ROBO2: variants seen among roughly 807,000 people sequenced by gnomAD.
The protein encoded by ROBO2 is roundabout guidance receptor 2.
A neutral mutation model predicts 160.8 loss-of-function variants in ROBO2; 53 were observed. The ratio of observed to expected loss-of-function variants is 0.33; its 90% CI spans 0.26 to 0.41. The LOEUF is 0.41. ROBO2 is among the 10% of genes least tolerant of loss of function. The probability of loss-of-function intolerance (pLI) is 1.00; values close to 1 mark genes in which losing one functional copy is unlikely to be tolerated. For missense variants in ROBO2, 1,577 were observed against 1,722.4 expected (o/e 0.92, Z 1.49); for synonymous variants, 664 against 611.7 (o/e 1.09, Z -1.26).
intron 2 of ROBO2, among the ~76,000 whole-genome samples, chr3:76,325,949 G>A (rs2072981073): frequency 6.6e-6 from 1 of 152,098 alleles, no homozygotes; most frequent in Admixed American, 6.6e-5. Flanking sequence ...TAACAGTATT[G>A]TAGAAAATAC....
At chr3:76,143,022 G>A (rs2071741612) in intron 2 of ROBO2, among the ~76,000 whole-genome samples, 1 of 151,542 alleles carries the variant, frequency 6.6e-6, no homozygotes, top group Admixed American at 6.6e-5. Context: ...CTGGATGGGA[G>A]TTTATGTATG....
intron 2 of ROBO2, among the ~76,000 whole-genome samples, chr3:77,305,929 C>T (rs1560494442): frequency 6.6e-6 from 1 of 152,024 alleles, no homozygotes; most frequent in East Asian, 1.9e-4. Context: ...CTTTTGAAGA[C>T]TTTCTGTAAT....
intron 2 of ROBO2, among the ~76,000 whole-genome samples, chr3:76,041,926 G>A (rs768291201): frequency 2.0e-5 from 3 of 151,182 alleles, no homozygotes; most frequent in Non-Finnish European, 4.4e-5. Flanking sequence ...CTTGATCATC[G>A]GAAATCTCAG....
intron 2 of ROBO2, among the ~76,000 whole-genome samples, chr3:77,137,419 T>C (rs1056324767): frequency 1.3e-5 from 2 of 151,936 alleles, no homozygotes; most frequent in African/African-American, 2.4e-5. Context: ...AGAGACGGGG[T>C]GTCTCCGTGT....
At chr3:76,848,267 A>AGCCTTGGC (rs2068968839) in intron 2 of ROBO2, among the ~76,000 whole-genome samples, 1 of 152,188 alleles carries the variant, frequency 6.6e-6, no homozygotes, top group African/African-American at 2.4e-5. Flanking sequence ...GATGTCTCAT[A>AGCCTTGGC]GCCTTGGCTA....
chr3:76,858,920 G>C (rs930274709), intron 2 of ROBO2, among the ~76,000 whole-genome samples: 1 of 152,184 alleles, frequency 6.6e-6, no homozygotes, highest in Admixed American at 6.5e-5. Flanking sequence ...CAGGATGGCT[G>C]TGCTGTTGGA....
intron 2 of ROBO2, among the ~76,000 whole-genome samples, chr3:75,993,743 A>C (rs1213503875): frequency 6.6e-6 from 1 of 152,140 alleles, no homozygotes; most frequent in South Asian, 2.1e-4. Flanking sequence ...CTCTTGACTT[A>C]ATACATTGAA....
chr3:76,254,021 A>C (rs542303819), intron 2 of ROBO2, among the ~76,000 whole-genome samples: 1 of 152,238 alleles, frequency 6.6e-6, no homozygotes, highest in Admixed American at 6.6e-5. Context: ...ATAAATCATT[A>C]ATAGCAATCT....
At chr3:76,112,905 T>C (rs1278549643) in intron 2 of ROBO2, among the ~76,000 whole-genome samples, 1 of 152,116 alleles carries the variant, frequency 6.6e-6, no homozygotes, top group African/African-American at 2.4e-5. Context: ...AAATCAATTC[T>C]TTTTCTAAAT....
chr3:76,882,492 G>T (rs1315511803), intron 2 of ROBO2, among the ~76,000 whole-genome samples: 1 of 151,906 alleles, frequency 6.6e-6, no homozygotes, highest in East Asian at 1.9e-4. Context: ...AATACTTTCA[G>T]GGTATCAAAA....
At chr3:76,045,740 T>G (rs2067426503) in intron 2 of ROBO2, among the ~76,000 whole-genome samples, 3 of 152,028 alleles carry the variant, frequency 2.0e-5, no homozygotes, top group Admixed American at 6.5e-5. Flanking sequence ...CAGGTTTATT[T>G]TGGAAAGTAT....
At chr3:77,086,598 G>T (rs1050893475) in intron 1 of ROBO2, among the ~76,000 whole-genome samples, 23 of 152,042 alleles carry the variant, frequency 1.5e-4, no homozygotes, top group Admixed American at 7.2e-4. Flanking sequence ...CATGATTTAT[G>T]AATCACATTT....
At chr3:76,985,908 A>G (rs2149349033) in intron 2 of ROBO2, among the ~76,000 whole-genome samples, 1 of 152,316 alleles carries the variant, frequency 6.6e-6, no homozygotes, top group East Asian at 1.9e-4. Context: ...ATTTTGTTGG[A>G]AATCCCTTAC....
chr3:75,984,098 C>T (rs2065348709), intron 2 of ROBO2, among the ~76,000 whole-genome samples: 1 of 151,428 alleles, frequency 6.6e-6, no homozygotes, highest in Non-Finnish European at 1.5e-5. Context: ...AGTTGGAACA[C>T]TCCCACATTT....
intron 2 of ROBO2, among the ~76,000 whole-genome samples, chr3:77,375,484 A>T (rs2153480437): frequency 6.6e-6 from 1 of 152,200 alleles, no homozygotes; most frequent in Middle Eastern, 3.4e-3. Context: ...ATTTCCTTTA[A>T]ATTCTTCTCT....
At chr3:76,095,874 G>A (rs1576837152) in intron 2 of ROBO2, among the ~76,000 whole-genome samples, 1 of 151,948 alleles carries the variant, frequency 6.6e-6, no homozygotes, top group East Asian at 1.9e-4. Context: ...ACATAAATGT[G>A]TAAAATATAT....
chr3:76,631,881 A>T (rs1477321217), intron 2 of ROBO2, among the ~76,000 whole-genome samples: 1 of 152,222 alleles, frequency 6.6e-6, no homozygotes, highest in African/African-American at 2.4e-5. Context: ...CCAGCCAGCC[A>T]GGAAAGAAAG....
rs575421489 is a variant in ROBO2, at chr3:76,189,989, G to A, written c.109+252387G>A. Among the ~76,000 whole-genome samples, 7 of 152,138 alleles carry A rather than the reference G, an allele frequency of 4.6e-5. No individual in the cohort carries two copies. In the East Asian group the frequency reaches 7.7e-4, roughly 17 times the overall value. Reference sequence around the variant, plus strand: ...GCCCAGAGATGTACAGAACACTTGCGTAAGAGAAAATTCCAGTTTTATGTT... The same window carrying A: ...GCCCAGAGATGTACAGAACACTTGCATAAGAGAAAATTCCAGTTTTATGTT... On this transcript the variant is annotated intron_variant, in intron 2 of 26. Transcript: ENST00000487694.
intron 2 of ROBO2, among the ~76,000 whole-genome samples, chr3:76,475,192 C>A (rs537251019): frequency 5.9e-5 from 9 of 151,960 alleles, no homozygotes; most frequent in African/African-American, 2.2e-4. Context: ...TGGTATTTGA[C>A]CACGGGAAAA....
Sources: allele counts gnomAD v4.1 joint callset (sites outside exome capture counted in the v4.1 genomes callset), GRCh38; gene constraint gnomAD v4.1.1; transcripts MANE v1.5; gene names NCBI Gene and HGNC (gene_info 2026-07-23, HGNC 2026-07-21).